Variants in FGF14 observed in about 807,000 individuals in gnomAD.
FGF14 encodes the protein fibroblast growth factor 14, also known as fibroblast growth factor homologous factor 4.
Under a neutral mutation model 25.5 loss-of-function variants are expected in FGF14, and 5 were observed. That is an observed-to-expected ratio of 0.20 (90% CI 0.10 to 0.41). The LOEUF (loss-of-function observed/expected upper bound fraction) is 0.41, where lower values mean the gene tolerates loss of function less well. Ranked by LOEUF, FGF14 falls within the 10% of genes least tolerant of loss-of-function variation. FGF14 has a pLI of 1.00. For missense variants in FGF14, 222 were observed against 320.1 expected, an observed-to-expected ratio of 0.69 and a Z score of 2.34; for synonymous variants, 138 against 118.3, an observed-to-expected ratio of 1.17 and a Z score of -1.08.
chr13:102,161,628 GAAGAAGAAGAA>G, intron 1 of FGF14, among the ~76,000 whole-genome samples: 3 of 6,240 alleles, frequency 4.8e-4, no homozygotes, highest in Non-Finnish European at 8.7e-4. Flanking sequence ...AGAAGAAGAA[GAAGAAGAAGAA>G]GAAGAAGAAG....
intron 1 of FGF14, among the ~76,000 whole-genome samples, chr13:101,928,034 A>T (rs2034489739): frequency 6.6e-6 from 1 of 152,182 alleles, no homozygotes; most frequent in Non-Finnish European, 1.5e-5. Context: ...TAAAAAAAAT[A>T]GTCCCTCTCT....
rs978426698 is a variant in FGF14 at position 102,306,565 on chromosome 13, G to A, written c.208+94906C>T. Among the ~76,000 whole-genome samples, 3 of 152,150 alleles carry A rather than the reference G, an allele frequency of 2.0e-5. 1 individual carries two copies. Among genetic ancestry groups the A allele is most frequent in the Non-Finnish European group, 4.4e-5 (3 of 68,020 alleles). ...AGCTCATCAATGGACAGCTGGCTTT[G>A]ACAAGGTAAGAGGGGACCCTATGCC... On this transcript the variant is annotated intron_variant, in intron 1 of 4. Transcript: ENST00000376131.
chr13:101,971,052 G>T (rs1342787578), intron 1 of FGF14, among the ~76,000 whole-genome samples: 1 of 152,110 alleles, frequency 6.6e-6, no homozygotes, highest in East Asian at 1.9e-4. Context: ...AAGTTATCAA[G>T]TTTATTACAG....
intron 1 of FGF14, among the ~76,000 whole-genome samples, chr13:101,958,407 C>T (rs887915314): frequency 6.6e-6 from 1 of 152,332 alleles, no homozygotes; most frequent in Admixed American, 6.5e-5. Flanking sequence ...TTTACTTCCT[C>T]CTGTCCCACT....
At chr13:102,351,714 G>A (rs149902011) in intron 1 of FGF14, among the ~76,000 whole-genome samples, 506 of 152,310 alleles carry the variant, frequency 3.3e-3, no homozygotes, top group Non-Finnish European at 6.3e-3. Flanking sequence ...CTCACCATGG[G>A]GGCCTTTCCA....
chr13:101,836,665 T>C (rs188811822), intron 3 of FGF14, among the ~76,000 whole-genome samples: 6 of 152,186 alleles, frequency 3.9e-5, no homozygotes, highest in Admixed American at 2.6e-4. Flanking sequence ...TAGTTCCTAG[T>C]TATTGTTAAG....
intron 3 of FGF14, among the ~76,000 whole-genome samples, chr13:101,736,623 G>T (rs2036206383): frequency 6.6e-6 from 1 of 152,110 alleles, no homozygotes; most frequent in Admixed American, 6.5e-5. Flanking sequence ...CATGGGTTTG[G>T]ATATGAATGT....
At chr13:102,252,427 C>T (rs1036246535) in intron 1 of FGF14, among the ~76,000 whole-genome samples, 5 of 152,114 alleles carry the variant, frequency 3.3e-5, no homozygotes, top group South Asian at 2.1e-4. Flanking sequence ...GAAATATAGC[C>T]GTACCTTGGT....
intron 1 of FGF14, among the ~76,000 whole-genome samples, chr13:101,935,276 A>G (rs1354568979): frequency 1.3e-5 from 2 of 152,166 alleles, no homozygotes; most frequent in African/African-American, 4.8e-5. Flanking sequence ...TGGGGCCCCT[A>G]GAATCCACTG....
In FGF14 at chr13:102,166,827, G is replaced by A. The variant is rs557867649; in HGVS notation, c.208+234644C>T. ...AGGGGCTGAGGAAAATGTTGTGACC[G>A]GAGATTCACAAGAACCTAGCCGTGT... On this transcript the variant is annotated intron_variant, in intron 1 of 4. Coordinates refer to the FGF14 transcript ENST00000376131. Among the ~76,000 whole-genome samples, 15 of 152,198 alleles carry A rather than the reference G, an allele frequency of 9.9e-5. No individual in the cohort carries two copies. The East Asian group carries it at 1.5e-3, about 16-fold the overall frequency.
At chr13:101,970,753 A>G (rs1219616429) in intron 1 of FGF14, among the ~76,000 whole-genome samples, 1 of 152,158 alleles carries the variant, frequency 6.6e-6, no homozygotes, top group Non-Finnish European at 1.5e-5. Flanking sequence ...AAAACACTAC[A>G]TGCAGACAGA....
intron 1 of FGF14, among the ~76,000 whole-genome samples, chr13:101,908,773 G>A (rs985710893): frequency 9.9e-5 from 15 of 152,082 alleles, no homozygotes; most frequent in East Asian, 3.8e-4. Context: ...AAAAGAGCCC[G>A]CATTGCTAAG....
chr13:102,077,437 C>A (rs941296690), intron 1 of FGF14, among the ~76,000 whole-genome samples: 3 of 151,958 alleles, frequency 2.0e-5, no homozygotes, highest in African/African-American at 7.3e-5. Context: ...AACTCATATA[C>A]CTCAGTAGTA....
At chr13:101,915,030 T>TA (rs905533929) in intron 1 of FGF14, among the ~76,000 whole-genome samples, 1 of 152,206 alleles carries the variant, frequency 6.6e-6, no homozygotes, top group African/African-American at 2.4e-5. Context: ...TAATGGCTCC[T>TA]ACACTGGTCT....
chr13:102,082,406 T>G (rs190700768), intron 1 of FGF14, among the ~76,000 whole-genome samples: 5 of 152,318 alleles, frequency 3.3e-5, no homozygotes, highest in African/African-American at 1.2e-4. Context: ...ATTCTCCAAA[T>G]GACTTTAATC....
intron 1 of FGF14, among the ~76,000 whole-genome samples, chr13:102,360,163 G>T (rs944153084): frequency 6.6e-6 from 1 of 152,038 alleles, no homozygotes; most frequent in Non-Finnish European, 1.5e-5. Flanking sequence ...CCACTATCTT[G>T]GCATACACAC....
At chr13:102,055,434 A>G (rs2042387289) in intron 1 of FGF14, among the ~76,000 whole-genome samples, 1 of 152,240 alleles carries the variant, frequency 6.6e-6, no homozygotes, top group South Asian at 2.1e-4. Flanking sequence ...AACATAAGTC[A>G]GTGGGATCTT....
intron 1 of FGF14, among the ~76,000 whole-genome samples, chr13:102,210,886 CAT>C (rs984148544): frequency 1.5e-4 from 23 of 152,218 alleles, no homozygotes; most frequent in African/African-American, 4.8e-4. Flanking sequence ...TCAAAATAAT[CAT>C]AGTCTCAATT....
intron 1 of FGF14, among the ~76,000 whole-genome samples, chr13:102,114,344 C>A (rs1024622797): frequency 6.6e-6 from 1 of 152,150 alleles, no homozygotes; most frequent in Non-Finnish European, 1.5e-5. Flanking sequence ...CAAATATTTT[C>A]TCCCATACCG....
Sources: allele counts gnomAD v4.1 joint callset (sites outside exome capture counted in the v4.1 genomes callset), GRCh38; gene constraint gnomAD v4.1.1; transcripts MANE v1.5; gene names NCBI Gene and HGNC (gene_info 2026-07-23, HGNC 2026-07-21).